Variants in ABCA3 observed in about 807,000 individuals in gnomAD.
The protein encoded by ABCA3 is phospholipid-transporting ATPase ABCA3.
Under a neutral mutation model 172.8 loss-of-function variants are expected in ABCA3, and 88 were observed. The ratio of observed to expected loss-of-function variants is 0.51; its 90% CI spans 0.43 to 0.61. ABCA3 has a LOEUF of 0.61. Ranked by LOEUF, ABCA3 falls within the 20% of genes least tolerant of loss-of-function variation. The pLI is 0.00. For missense variants in ABCA3, 2,164 were observed against 2,301.0 expected (o/e 0.94, Z 1.22); for synonymous variants, 1,066 against 983.8 (o/e 1.08, Z -1.56).
chr16:2,305,460 C>T (rs2093696197), intron 11 of ABCA3, among the ~76,000 whole-genome samples: 1 of 152,124 alleles, frequency 6.6e-6, no homozygotes, highest in African/African-American at 2.4e-5. Context: ...CCATGCCCAG[C>T]TGATTTTTGT....
rs192693355 is a variant in ABCA3, at chr16:2,304,843, T to A, written c.1286-693A>T. The stretch of plus-strand genomic sequence containing the variant: ...GGCGCCCGCCACCGTGCCTGGCTAA[T>A]TTTTTGTATTTTTAGTAGAGACGGG... On this transcript the variant is annotated intron_variant, in intron 11 of 32. Transcript: ENST00000301732. 9.2e-5 allele frequency among the ~76,000 whole-genome samples: 14 copies of A among 151,996 alleles called. 1 individual carries two copies. The East Asian group carries it at 2.5e-3, about 27-fold the overall frequency.
intron 28 of ABCA3, among the ~76,000 whole-genome samples, chr16:2,280,168 C>G (rs150926): frequency 0.44 from 66,289 of 152,164 alleles, 14,655 homozygotes; most frequent in East Asian, 0.52. Flanking sequence ...GGGGACTTCT[C>G]ACCCTCTCCT....
At chr16:2,324,605 C>T in intron 5 of ABCA3, 74 bp from the exon 6 acceptor site, 1 of 1,593,546 alleles carries the variant, frequency 6.3e-7, no homozygotes, top group South Asian at 1.1e-5. Flanking sequence ...TGGTTCAGGT[C>T]ACTGGCAGAT....
rs775018802 is a variant in ABCA3 at position 2,283,202 on chromosome 16, C to T, written c.4019G>A (p.Arg1340Gln). 1.7e-5 allele frequency: 28 copies of T among 1,613,214 alleles called. No individual in the cohort carries two copies. The highest frequency in any genetic ancestry group is 1.7e-4 in the Middle Eastern group (1 of 6,046). The change falls in exon 26 of 33, where the codon CGG (arginine) becomes CAG (glutamine). Residue 1340 changes from arginine (R) to glutamine (Q), a missense_variant. Physicochemically the swap from Arg to Gln is conservative, Grantham distance 43. Transcript: ENST00000301732. This position sits in a 1 kb window ranked among gnomAD's most constrained non-coding sequence, Gnocchi z 5.4. ...QRLRGILCAL[R>Q]RRRTLTELYT... ...GCCACTCACCAGTGTCCGCCTCCTC[C>T]GGAGGGCGCAGAGGATGCCCCTGAG...
chr16:2,309,576 G>A (rs1042389777), intron 10 of ABCA3, among the ~76,000 whole-genome samples: 1 of 152,140 alleles, frequency 6.6e-6, no homozygotes, highest in African/African-American at 2.4e-5. Context: ...AGATGGGCAT[G>A]TTTTCTGTCC....
In ABCA3 at chr16:2,299,759, G is replaced by T. The variant is rs4787273; in HGVS notation, c.1612-227C>A. Among the ~76,000 whole-genome samples, 39,419 of 152,142 alleles carry T rather than the reference G, an allele frequency of 0.26. 6,500 individuals carry two copies. Among genetic ancestry groups the T allele is most frequent in the East Asian group, 0.52 (2,675 of 5,160 alleles). On this transcript the variant is annotated intron_variant, in intron 13 of 32. Coordinates refer to ENST00000301732, the MANE Select transcript of ABCA3 (RefSeq NM_001089.3). ...CACCCTCAGTGTCTCTGCAACCCTG[G>T]GAGGCCCATGAGGCCGAGGCACTGC...
intron 3 of ABCA3, among the ~76,000 whole-genome samples, chr16:2,327,543 A>G (rs323050): frequency 0.085 from 12,887 of 152,130 alleles, 1,820 homozygotes; most frequent in African/African-American, 0.29. Context: ...GAAAGGAGGG[A>G]CTTGGAATTC....
chr16:2,336,353 A>AG (rs760163291), intron 1 of ABCA3, among the ~76,000 whole-genome samples: 1 of 152,190 alleles, frequency 6.6e-6, no homozygotes, highest in Non-Finnish European at 1.5e-5. Context: ...CTGCCTCGTA[A>AG]GCACAGGGTC....
At chr16:2,292,262 G>A (rs977809218) in intron 18 of ABCA3, 24 bp from the exon 19 acceptor site, 5 of 1,584,114 alleles carry the variant, frequency 3.2e-6, no homozygotes, top group South Asian at 1.1e-5. Context: ...CCAGCATTAT[G>A]AGTCACTTCT....
At chr16:2,295,123 T>C (rs2093677678) in intron 18 of ABCA3, among the ~76,000 whole-genome samples, 1 of 152,186 alleles carries the variant, frequency 6.6e-6, no homozygotes, top group Non-Finnish European at 1.5e-5. Flanking sequence ...GATAGTGTCA[T>C]GGAACACTGG....
intron 8 of ABCA3, among the ~76,000 whole-genome samples, chr16:2,317,981 C>T (rs1325214511): frequency 6.6e-6 from 1 of 152,252 alleles, no homozygotes; most frequent in Non-Finnish European, 1.5e-5. Context: ...TAGGCATAAG[C>T]CACTGCACCC....
At chr16:2,305,996 T>A (rs962992536) in intron 11 of ABCA3, among the ~76,000 whole-genome samples, 1 of 152,190 alleles carries the variant, frequency 6.6e-6, no homozygotes, top group African/African-American at 2.4e-5. Context: ...CTGATGGAAA[T>A]AATGCTCTCC....
intron 10 of ABCA3, among the ~76,000 whole-genome samples, chr16:2,315,243 C>CACAG (rs1555489506): frequency 5.3e-5 from 8 of 150,074 alleles, no homozygotes; most frequent in Non-Finnish European, 7.4e-5. Context: ...CACACACACA[C>CACAG]AGCAAAGTCT....
chr16:2,288,378 G>A (rs780775383), intron 20 of ABCA3, 49 bp from the exon 21 acceptor site: 10 of 1,523,772 alleles, frequency 6.6e-6, no homozygotes, highest in South Asian at 4.8e-5. Context: ...GGGGCCCAGC[G>A]CCTGACCCCC....
chr16:2,288,225 G>A lies in ABCA3; in HGVS notation c.2805C>T (p.Thr935=). 1 of 1,597,290 alleles carries A rather than the reference G, an allele frequency of 6.3e-7. No homozygotes were observed. Among genetic ancestry groups the A allele is most frequent in the South Asian group, 1.1e-5 (1 of 88,590 alleles). The change falls in exon 21 of 33, where the codon ACC becomes ACT. Residue 935 remains threonine, a synonymous_variant. Transcript: ENST00000301732. ...TGGCCAGGAGGGCCAGGGTGACGCA[G>A]GTCAGAGGCACCAGGACCTGTGCCG... ...MVAAQVLVPL[T]CVTLALLAIN... is the part of the protein sequence containing the mutation.
At position 2,284,588 on chromosome 16, in the gene ABCA3, G is replaced by T; in HGVS notation, c.3704-151C>A. On this transcript the variant is annotated intron_variant, in intron 24 of 32. Coordinates refer to ENST00000301732, the MANE Select transcript of ABCA3 (RefSeq NM_001089.3). This position sits in a 1 kb window ranked among gnomAD's most constrained non-coding sequence, Gnocchi z 5.9. ...GACGCCCCTGCCGGCTCTGCACAGG[G>T]CAAGGACGCCGCAGACGCCTGCCCA... 7.5e-7 allele frequency: 1 copy of T among 1,340,234 alleles called. No homozygotes were observed. Among genetic ancestry groups the T allele is most frequent in the Non-Finnish European group, 1.0e-6 (1 of 953,060 alleles). The allele number at this position is 1,340,234 out of a possible 1,614,324, so 83.0% of individuals were successfully genotyped here.
chr16:2,312,810 G>A (rs1274109887), intron 10 of ABCA3, among the ~76,000 whole-genome samples: 1 of 151,824 alleles, frequency 6.6e-6, no homozygotes, highest in Non-Finnish European at 1.5e-5. Flanking sequence ...AGGATTACAG[G>A]CATGAGCCAC....
intron 7 of ABCA3, among the ~76,000 whole-genome samples, chr16:2,323,027 T>C (rs1211050714): frequency 1.3e-5 from 2 of 152,162 alleles, no homozygotes; most frequent in African/African-American, 4.8e-5. Context: ...AAGAAGACAT[T>C]TATGCAGCCA....
At position 2,283,225 on chromosome 16, in the gene ABCA3, G is replaced by C. The variant is rs566758140; in HGVS notation, c.3996C>G (p.Leu1332=). Residue 1332 remains leucine, a synonymous_variant, in exon 26 of 33, where the codon CTC becomes CTG. Transcript: ENST00000301732. The surrounding 1 kb of genome is among the most constrained non-coding windows in gnomAD (Gnocchi z 5.4). Reference sequence around the variant, plus strand: ...TCCGGAGGGCGCAGAGGATGCCCCTGAGTCTCTGAAGCAGGTTGGTCTCGA... The same window carrying C: ...TCCGGAGGGCGCAGAGGATGCCCCTCAGTCTCTGAAGCAGGTTGGTCTCGA... ...FLIETNLLQR[L]RGILCALRRR... is the part of the protein sequence containing the mutation. 1.2e-6 allele frequency: 2 copies of C among 1,613,426 alleles called. No individual in the cohort carries two copies. The highest frequency in any genetic ancestry group is 2.7e-5 in the African/African-American group (2 of 75,052).
Sources: gnomAD v4.1 joint callset for allele counts (sites outside exome capture counted in the v4.1 genomes callset) on GRCh38, gnomAD v4.1.1 for gene constraint, Gnocchi (gnomAD v3.1) non-coding constraint, MANE v1.5 for transcripts, NCBI Gene and HGNC (gene_info 2026-07-23, HGNC 2026-07-21) for gene names.